Variants in ANKRD20A1 observed in about 807,000 individuals in gnomAD.
ANKRD20A1 encodes the protein ankyrin repeat domain-containing protein 20A1.
Under a neutral mutation model 50.9 loss-of-function variants are expected in ANKRD20A1, and 2 were observed. The ratio of observed to expected loss-of-function variants is 0.04; its 90% CI spans 0.02 to 0.12. The LOEUF (loss-of-function observed/expected upper bound fraction) is 0.12. Ranked by LOEUF, ANKRD20A1 falls within the 10% of genes least tolerant of loss-of-function variation. The probability of loss-of-function intolerance (pLI) is 1.00; values close to 1 mark genes in which losing one functional copy is unlikely to be tolerated. For synonymous variants in ANKRD20A1, 10 were observed against 186.2 expected (o/e 0.05, Z 7.70); for missense variants, 31 against 548.1 (o/e 0.06, Z 9.42).
chr9:67,882,734 C>T (rs1459479165), intron 8 of ANKRD20A1, among the ~76,000 whole-genome samples: 2 of 137,102 alleles, frequency 1.5e-5, no homozygotes, highest in African/African-American at 5.2e-5. Flanking sequence ...GTGTGCTGCA[C>T]CCATTAACTC....
At chr9:67,881,502 CTCACCTGTAA>C (rs1484978903) in intron 8 of ANKRD20A1, among the ~76,000 whole-genome samples, 1 of 151,264 alleles carries the variant, frequency 6.6e-6, no homozygotes, top group African/African-American at 2.4e-5. Flanking sequence ...GGCGTGGAGA[CTCACCTGTAA>C]TCCCAGCAGT....
chr9:67,872,680 A>G (rs1340525426), intron 6 of ANKRD20A1, among the ~76,000 whole-genome samples: 3 of 136,042 alleles, frequency 2.2e-5, no homozygotes, highest in Non-Finnish European at 4.9e-5. Context: ...CAATTAATCA[A>G]TTATTATTAT....
chr9:67,883,213 CT>C (rs1827827804), intron 8 of ANKRD20A1, among the ~76,000 whole-genome samples: 1 of 150,670 alleles, frequency 6.6e-6, no homozygotes, highest in Admixed American at 6.7e-5. Flanking sequence ...AATCACCATA[CT>C]GTCTTCCTCA....
At position 67,889,397 on chromosome 9, in the gene ANKRD20A1, A is replaced by AT. The variant is rs1564336030; in HGVS notation, c.1081+1936dup. Among the ~76,000 whole-genome samples, 2 of 86,268 alleles carry AT rather than the reference A, an allele frequency of 2.3e-5. 1 individual carries two copies. The highest frequency in any genetic ancestry group is 7.5e-5 in the African/African-American group (2 of 26,658). The allele number at this position is 86,268 out of a possible 152,430, so 56.6% of individuals were successfully genotyped here. On this transcript the variant is annotated intron_variant, in intron 11 of 14. Transcript: ENST00000562196. ...AGTTTTTAATGTATATTCGTTAAAA[A>AT]TTTTTTTGAAGTTTTTGTCTCTAGT...
chr9:67,884,851 C>T (rs1325858962), intron 9 of ANKRD20A1, among the ~76,000 whole-genome samples: 2 of 151,306 alleles, frequency 1.3e-5, no homozygotes, highest in African/African-American at 4.8e-5. Context: ...GATACCACCA[C>T]TGCATTCCAC....
At chr9:67,886,795 T>TC (rs1827886714) in intron 9 of ANKRD20A1, among the ~76,000 whole-genome samples, 1 of 111,600 alleles carries the variant, frequency 9.0e-6, no homozygotes, top group Admixed American at 1.1e-4. Flanking sequence ...ACCTGAACTG[T>TC]CATCCCAACT....
At chr9:67,875,941 G>C (rs2131553632) in intron 6 of ANKRD20A1, among the ~76,000 whole-genome samples, 1 of 92,908 alleles carries the variant, frequency 1.1e-5, no homozygotes, top group East Asian at 3.3e-4. Flanking sequence ...TACATACTTA[G>C]AAAACATGAT....
At chr9:67,880,929 AT>A (rs1827783668) in intron 8 of ANKRD20A1, among the ~76,000 whole-genome samples, 3 of 99,316 alleles carry the variant, frequency 3.0e-5, no homozygotes, top group African/African-American at 9.4e-5. Context: ...GCCTGTATAA[AT>A]CTTCAGTGGA....
intron 3 of ANKRD20A1, among the ~76,000 whole-genome samples, chr9:67,864,589 T>C: frequency 4.2e-5 from 1 of 23,872 alleles, no homozygotes; most frequent in Admixed American, 3.4e-4. Context: ...TAGTCCCAGC[T>C]TGAGCCTAAG....
intron 8 of ANKRD20A1, among the ~76,000 whole-genome samples, chr9:67,881,717 C>T (rs1488286543): frequency 6.6e-6 from 1 of 151,680 alleles, no homozygotes; most frequent in Non-Finnish European, 1.5e-5. Context: ...ATCGCTTGAA[C>T]CCGGGAGGCG....
intron 12 of ANKRD20A1, among the ~76,000 whole-genome samples, chr9:67,896,329 T>C (rs1456722930): frequency 1.2e-5 from 1 of 83,778 alleles, no homozygotes; most frequent in African/African-American, 3.6e-5. Flanking sequence ...TAGCTCAAAC[T>C]GTTTGAACTT....
chr9:67,883,017 G>T (rs1257475535), intron 8 of ANKRD20A1, among the ~76,000 whole-genome samples: 167 of 147,282 alleles, frequency 1.1e-3, no homozygotes, highest in East Asian at 3.4e-3. Flanking sequence ...GTGCCACATT[G>T]TCTTAATCCA....
At chr9:67,883,174 A>G (rs1480609042) in intron 8 of ANKRD20A1, among the ~76,000 whole-genome samples, 1,448 of 149,710 alleles carry the variant, frequency 9.7e-3, no homozygotes, top group Non-Finnish European at 0.015. Flanking sequence ...GCTGGGTCAA[A>G]TGGTATTTCT....
intron 1 of ANKRD20A1, 51 bp downstream of exon 1, chr9:67,859,680 C>T (rs1827485287): frequency 1.8e-6 from 1 of 565,602 alleles, no homozygotes; most frequent in Admixed American, 3.8e-5. Context: ...CCCGGCTTCC[C>T]CGCAGACCCT....
At position 67,861,640 on chromosome 9, in the gene ANKRD20A1, C is replaced by T. The variant is rs1827503194; in HGVS notation, c.204-1301C>T. On this transcript the variant is annotated intron_variant, in intron 1 of 14. Coordinates refer to ENST00000562196, the MANE Select transcript of ANKRD20A1 (RefSeq NM_032250.5). ...AATAGGAATATTGGGACTTAATCTCCTTGAAACTTTATCTCCCACCTTTCA... is the reference window on the plus strand; with the variant it reads ...AATAGGAATATTGGGACTTAATCTCTTTGAAACTTTATCTCCCACCTTTCA... 7.0e-5 allele frequency among the ~76,000 whole-genome samples: 3 copies of T among 42,898 alleles called. 1 individual carries two copies. The South Asian group carries it at 2.3e-3, about 34-fold the overall frequency. The allele number at this position is 42,898 out of a possible 152,430, so 28.1% of individuals were successfully genotyped here.
chr9:67,865,951 CTT>C (rs1827560087), intron 3 of ANKRD20A1, among the ~76,000 whole-genome samples: 1 of 150,438 alleles, frequency 6.6e-6, no homozygotes, highest in South Asian at 2.1e-4. Context: ...GCTTTTAACT[CTT>C]TTCTTTATAT....
At chr9:67,886,515 A>G (rs1827883301) in intron 9 of ANKRD20A1, among the ~76,000 whole-genome samples, 1 of 81,034 alleles carries the variant, frequency 1.2e-5, no homozygotes, top group African/African-American at 3.7e-5. Context: ...CATATCCAGC[A>G]AGTCTGTGGT....
At chr9:67,885,641 A>G (rs1410842863) in intron 9 of ANKRD20A1, among the ~76,000 whole-genome samples, 2 of 152,312 alleles carry the variant, frequency 1.3e-5, no homozygotes, top group African/African-American at 4.8e-5. Flanking sequence ...ATTGAGGGAC[A>G]TAATAGGGAA....
rs1827489800 is a variant in ANKRD20A1 at position 67,860,070 on chromosome 9, T to C, written c.203+441T>C. Among the ~76,000 whole-genome samples the C allele has an allele frequency of 1.0e-4, 4 of 39,114 alleles. 2 individuals carry two copies. In the South Asian group the frequency reaches 3.4e-3, roughly 33 times the overall value. 25.7% of individuals were successfully genotyped at this position (39,114 alleles called of 152,430 possible). A position where few individuals can be genotyped will look rare whatever the true frequency, so the allele number is the denominator to read the frequency against. On this transcript the variant is annotated intron_variant, in intron 1 of 14. Coordinates refer to ENST00000562196, the MANE Select transcript of ANKRD20A1 (RefSeq NM_032250.5). The stretch of plus-strand genomic sequence containing the variant: ...GAATTCATTATATTCTTTTTTTTTT[T>C]TTTTTGAGTCAGAGTCTCGCTTCTT...
Sources: gnomAD v4.1 joint callset for allele counts (sites outside exome capture counted in the v4.1 genomes callset) on GRCh38, gnomAD v4.1.1 for gene constraint, MANE v1.5 for transcripts, NCBI Gene and HGNC (gene_info 2026-07-23, HGNC 2026-07-21) for gene names.